APPL1: variants seen among roughly 807,000 people sequenced by gnomAD.
APPL1 encodes adaptor protein, phosphotyrosine interacting with PH domain and leucine zipper 1.
APPL1 carries 42 observed loss-of-function variants against 106.8 expected under a neutral mutation model. The ratio of observed to expected loss-of-function variants is 0.39; its 90% CI spans 0.31 to 0.51. The LOEUF is 0.51. Among genes scored for constraint, APPL1 ranks in the 20% least tolerant of loss-of-function variants. The pLI is 0.75. For synonymous variants in APPL1, 263 were observed against 281.8 expected (o/e 0.93, Z 0.67); for missense variants, 769 against 858.2 (o/e 0.90, Z 1.30).
Position 57,259,066 on chromosome 3 carries a change from A to G in APPL1, c.1469A>G (p.Lys490Arg). The change falls in exon 16 of 22, where the codon AAA becomes AGA. Residue 490 changes from lysine to arginine, a missense_variant. By Grantham distance (26) the Lys-to-Arg change is conservative (BLOSUM62 2). Transcript: ENST00000288266. ...NPFGESGGST[K>R]SETEDSILHQ... Reference sequence around the variant, plus strand: ...TTTGGAGAATCTGGAGGAAGTACAAAATCTGAAACTGAAGGTAAGACAGAT... The same window carrying G: ...TTTGGAGAATCTGGAGGAAGTACAAGATCTGAAACTGAAGGTAAGACAGAT... 6.2e-7 allele frequency: 1 copy of G among 1,612,750 alleles called. No homozygotes were observed. Among genetic ancestry groups the G allele is most frequent in the East Asian group, 2.2e-5 (1 of 44,766 alleles).
intron 11 of APPL1, among the ~76,000 whole-genome samples, chr3:57,250,795 A>ACTTT (rs1216211237): frequency 1.4e-5 from 2 of 143,374 alleles, no homozygotes; most frequent in African/African-American, 2.6e-5. Context: ...TGACCTTTGA[A>ACTTT]CTTTCTTTCT....
Position 57,260,144 on chromosome 3 carries a change from A to G in APPL1, c.1686A>G (p.Thr562=), listed in dbSNP as rs375073314. ...LKLIDPQTQV[T]RLTFPLPCVV... is the part of the protein sequence containing the mutation. Reference sequence around the variant, plus strand: ...TAATTGATCCACAGACACAAGTTACAAGGCTCACGGTGAGTTCCACATGAT... The same window carrying G: ...TAATTGATCCACAGACACAAGTTACGAGGCTCACGGTGAGTTCCACATGAT... Residue 562 remains threonine (T), a synonymous_variant, in exon 18 of 22, where the codon ACA becomes ACG. Coordinates refer to ENST00000288266, the MANE Select transcript of APPL1 (RefSeq NM_012096.3). 8.5e-5 allele frequency: 136 copies of G among 1,605,602 alleles called. No homozygotes were observed. Among genetic ancestry groups the G allele is most frequent in the Non-Finnish European group, 1.1e-4 (135 of 1,178,514 alleles).
intron 4 of APPL1, 88 bp downstream of exon 4, chr3:57,238,204 A>G (rs528016418): frequency 3.7e-5 from 35 of 948,876 alleles, no homozygotes; most frequent in South Asian, 2.8e-4. Flanking sequence ...ATAAAGCTCT[A>G]TTAAAGAGAT....
At chr3:57,250,455 A>C (rs1361705947) in intron 11 of APPL1, among the ~76,000 whole-genome samples, 1 of 152,168 alleles carries the variant, frequency 6.6e-6, no homozygotes, top group Non-Finnish European at 1.5e-5. Context: ...TTACCTTTGC[A>C]TTAAATGAGA....
chr3:57,232,167 A>G (rs983359609), intron 1 of APPL1, among the ~76,000 whole-genome samples: 2 of 152,232 alleles, frequency 1.3e-5, no homozygotes, highest in Non-Finnish European at 2.9e-5. Context: ...TAGAAAATTA[A>G]TTGATTTTAT....
chr3:57,265,284 G>A (rs1382242713), intron 19 of APPL1, among the ~76,000 whole-genome samples: 1 of 152,116 alleles, frequency 6.6e-6, no homozygotes, highest in Non-Finnish European at 1.5e-5. Flanking sequence ...AGGTACCTGG[G>A]ATTACAGGTA....
Position 57,269,788 on chromosome 3 carries a change from G to A in APPL1, c.*101G>A. On this transcript the variant is annotated 3_prime_UTR_variant, in exon 22 of 22. Coordinates refer to ENST00000288266, the MANE Select transcript of APPL1 (RefSeq NM_012096.3). ...GTTGAAATATCAAGGAGGAGATTAA[G>A]CTTTATATTTGCTTATTTGTTGTAG... The A allele has an allele frequency of 7.6e-7, 1 of 1,318,126 alleles. No individual in the cohort carries two copies. Among genetic ancestry groups the A allele is most frequent in the Non-Finnish European group, 1.0e-6 (1 of 952,922 alleles). 81.7% of individuals were successfully genotyped at this position (1,318,126 alleles called of 1,614,324 possible). A position where few individuals can be genotyped will look rare whatever the true frequency, so the allele number is the denominator to read the frequency against.
rs552065620 is a variant in APPL1, at chr3:57,243,316, A to G, written c.474+402A>G. Among the ~76,000 whole-genome samples the G allele has an allele frequency of 6.6e-5, 10 of 152,342 alleles. No individual in the cohort carries two copies. In the South Asian group the frequency reaches 1.2e-3, roughly 19 times the overall value. ...AGGCCCTCCTTATTTATAGACATAT[A>G]TATCTTTTGATATTTGTTCAAGGAG... On this transcript the variant is annotated intron_variant, in intron 7 of 21. Transcript: ENST00000288266.
In APPL1 at chr3:57,264,591, AT is replaced by A. The variant is rs1292287765; in HGVS notation, c.1843-3144del. 5.1e-3 allele frequency among the ~76,000 whole-genome samples: 729 copies of A among 143,628 alleles called. 3 individuals are homozygous for A. The highest frequency in any genetic ancestry group is 0.019 in the African/African-American group (667 of 34,672). The allele number at this position is 143,628 out of a possible 152,430, so 94.2% of individuals were successfully genotyped here. On this transcript the variant is annotated intron_variant, in intron 19 of 21. Coordinates refer to ENST00000288266, the MANE Select transcript of APPL1 (RefSeq NM_012096.3). ...AAAAAAATAAAAAAAATAAAAAAAA[AT>A]TTTTTTAAAAAATATTTTTGTATAT...
At chr3:57,262,064 T>C (rs574478674) in intron 19 of APPL1, among the ~76,000 whole-genome samples, 2 of 152,298 alleles carry the variant, frequency 1.3e-5, no homozygotes, top group Admixed American at 6.5e-5. Flanking sequence ...TTTTGTGTCC[T>C]TTAAGAAATG....
At chr3:57,241,945 A>G (rs776830320) in intron 5 of APPL1, among the ~76,000 whole-genome samples, 156 bp from the exon 6 acceptor site, 13 of 152,210 alleles carry the variant, frequency 8.5e-5, no homozygotes, top group Non-Finnish European at 1.9e-4. Context: ...AATGTTTCAT[A>G]GACTAGCTGA....
At chr3:57,240,587 CT>C in intron 5 of APPL1, 35 bp downstream of exon 5, 1 of 1,545,574 alleles carries the variant, frequency 6.5e-7, no homozygotes, top group Non-Finnish European at 8.9e-7. Context: ...CTTTCATTGG[CT>C]GTGAGATCAA....
chr3:57,258,998 T>C lies in APPL1; in HGVS notation c.1431-30T>C, dbSNP rs770125295. On this transcript the variant is annotated intron_variant, in intron 15 of 21. Coordinates refer to ENST00000288266, the MANE Select transcript of APPL1 (RefSeq NM_012096.3). ...CTATGTGGCTCATGGTAACTGACCA[T>C]GTGTTCATATTTTCTTCTAAACTTT... 1.5e-4 allele frequency: 235 copies of C among 1,565,296 alleles called. 1 individual carries two copies. The highest frequency in any genetic ancestry group is 1.9e-4 in the Non-Finnish European group (213 of 1,138,524).
chr3:57,261,156 C>G (rs1344465585), intron 19 of APPL1, among the ~76,000 whole-genome samples: 2 of 152,164 alleles, frequency 1.3e-5, no homozygotes, highest in Non-Finnish European at 2.9e-5. Flanking sequence ...ATTCCACACT[C>G]TGCCTCCACG....
intron 1 of APPL1, among the ~76,000 whole-genome samples, chr3:57,231,809 T>TAA (rs375775370): frequency 6.2e-4 from 82 of 132,352 alleles, no homozygotes; most frequent in Non-Finnish European, 8.2e-4. Flanking sequence ...CTTTGGCTCT[T>TAA]AAAAAAAAAA....
intron 19 of APPL1, among the ~76,000 whole-genome samples, chr3:57,261,711 G>C (rs2060866373): frequency 6.6e-6 from 1 of 152,006 alleles, no homozygotes; most frequent in Non-Finnish European, 1.5e-5. Flanking sequence ...GTAGAGACGG[G>C]GTTTCACCGT....
At chr3:57,231,809 TA>T (rs375775370) in intron 1 of APPL1, among the ~76,000 whole-genome samples, 1,743 of 132,164 alleles carry the variant, frequency 0.013, 12 homozygotes, top group African/African-American at 0.029. Context: ...CTTTGGCTCT[TA>T]AAAAAAAAAA....
At chr3:57,234,699 A>T (rs1433021173) in intron 1 of APPL1, among the ~76,000 whole-genome samples, 1 of 151,948 alleles carries the variant, frequency 6.6e-6, no homozygotes, top group Non-Finnish European at 1.5e-5. Flanking sequence ...TCGCCCGCCC[A>T]GGCTGAAGTG....
At chr3:57,242,231 A>C in intron 6 of APPL1, 89 bp downstream of exon 6, 1 of 355,618 alleles carries the variant, frequency 2.8e-6, no homozygotes. Context: ...GTAATAATTG[A>C]AAAAAAACCA....
Sources: allele counts gnomAD v4.1 joint callset (sites outside exome capture counted in the v4.1 genomes callset), GRCh38; gene constraint gnomAD v4.1.1; transcripts MANE v1.5; gene names NCBI Gene and HGNC (gene_info 2026-07-23, HGNC 2026-07-21).